Variants in USPL1 observed in about 807,000 individuals in gnomAD.
USPL1 encodes the protein ubiquitin specific peptidase like 1.
USPL1 carries 27 observed loss-of-function variants against 51.5 expected under a neutral mutation model. That is an observed-to-expected ratio of 0.52 (90% CI 0.39 to 0.72). The LOEUF (loss-of-function observed/expected upper bound fraction) is 0.72, where lower values mean the gene tolerates loss of function less well. USPL1 is among the 30% of genes least tolerant of loss of function. The pLI is 0.00. For synonymous variants in USPL1, 451 were observed against 459.6 expected (o/e 0.98, Z 0.24); for missense variants, 1,226 against 1,268.0 (o/e 0.97, Z 0.50).
At chr13:30,628,452 A>G (rs973962073) in intron 3 of USPL1, among the ~76,000 whole-genome samples, 1 of 152,086 alleles carries the variant, frequency 6.6e-6, no homozygotes, top group Non-Finnish European at 1.5e-5. Flanking sequence ...GGCTTGTTAC[A>G]TAGGTATACA....
rs780203963 is a variant in USPL1 at position 30,642,618 on chromosome 13, C to G, written c.983-10C>G. The G allele has an allele frequency of 6.3e-7, 1 of 1,596,414 alleles. No homozygotes were observed. Among genetic ancestry groups the G allele is most frequent in the Admixed American group, 1.9e-5 (1 of 54,004 alleles). On this transcript the variant is annotated splice_polypyrimidine_tract_variant and intron_variant, in intron 5 of 8. Transcript: ENST00000255304. ...ATTATGAGCAGTAATTCTTCCTTTT[C>G]TTTTTGAAGGTGATATGGAAAGCCC...
chr13:30,653,407 G>A (rs1951117526), intron 8 of USPL1, 102 bp downstream of exon 8: 1 of 1,202,990 alleles, frequency 8.3e-7, no homozygotes, highest in Non-Finnish European at 1.1e-6. Context: ...GACAAACTTT[G>A]TCCTGACTCT....
chr13:30,634,920 G>A (rs531028026), intron 4 of USPL1, among the ~76,000 whole-genome samples: 3 of 152,200 alleles, frequency 2.0e-5, no homozygotes, highest in Admixed American at 6.5e-5. Flanking sequence ...TTGATTTGCC[G>A]TTTCCACATT....
intron 4 of USPL1, among the ~76,000 whole-genome samples, chr13:30,632,029 A>T (rs545694100): frequency 1.3e-5 from 2 of 151,690 alleles, no homozygotes; most frequent in Non-Finnish European, 2.9e-5. Flanking sequence ...GTTTTGTTAC[A>T]TAGGTATACG....
In USPL1 at chr13:30,657,840, T is replaced by C. The variant is rs781455082; in HGVS notation, c.1763T>C (p.Leu588Pro). ...GTTGACAATATTTTACCTCTGACAC[T>C]TGAAGAAACTATCCAGAAAACAGCC... is the stretch of plus-strand genomic sequence containing the variant. Reference protein sequence around the residue: ...GLVDNILPLTLEETIQKTASV... With the variant: ...GLVDNILPLTPEETIQKTASV... Residue 588 changes from leucine (L) to proline (P), a missense_variant, in exon 9 of 9, where the codon CTT becomes CCT. Leu to Pro is a moderately conservative substitution (Grantham distance 98). Coordinates refer to ENST00000255304, the MANE Select transcript of USPL1 (RefSeq NM_005800.5). 8 of 1,613,938 alleles carry C rather than the reference T, an allele frequency of 5.0e-6. No individual in the cohort carries two copies. The South Asian group carries it at 5.5e-5, about 11-fold the overall frequency.
chr13:30,627,324 A>G (rs1350832722), intron 3 of USPL1, among the ~76,000 whole-genome samples: 5 of 152,194 alleles, frequency 3.3e-5, no homozygotes, highest in Non-Finnish European at 4.4e-5. Context: ...AATTTTATAA[A>G]AAGAAAAAAG....
chr13:30,634,032 A>G (rs573857861), intron 4 of USPL1, among the ~76,000 whole-genome samples: 4 of 152,154 alleles, frequency 2.6e-5, no homozygotes, highest in Non-Finnish European at 4.4e-5. Context: ...CAACCTCAGC[A>G]TATGATTTTT....
intron 7 of USPL1, among the ~76,000 whole-genome samples, chr13:30,651,540 C>T (rs1375524862): frequency 2.6e-5 from 4 of 152,194 alleles, no homozygotes; most frequent in Non-Finnish European, 5.9e-5. Context: ...ATATTTTCCA[C>T]GTGTAAACTT....
chr13:30,626,582 G>C (rs1295375309), intron 3 of USPL1, among the ~76,000 whole-genome samples: 5 of 152,044 alleles, frequency 3.3e-5, no homozygotes, highest in African/African-American at 1.2e-4. Flanking sequence ...CCCTGTATAA[G>C]TCCTCTGAAT....
intron 1 of USPL1, among the ~76,000 whole-genome samples, chr13:30,619,713 A>G (rs539302860): frequency 1.7e-4 from 26 of 152,284 alleles, no homozygotes; most frequent in African/African-American, 6.0e-4. Context: ...GTCTGGACCA[A>G]CATCTGCAGG....
rs759059045 is a variant in USPL1, at chr13:30,659,022, C to G, written c.2945C>G (p.Ser982Ter). 1.2e-6 allele frequency: 2 copies of G among 1,614,136 alleles called. No individual in the cohort carries two copies. Among genetic ancestry groups the G allele is most frequent in the Admixed American group, 1.7e-5 (1 of 60,024 alleles). Residue 982 changes from serine (S) to a stop codon, truncating the protein, a stop_gained, in exon 9 of 9, where the codon TCA (serine) becomes TGA (stop). Coordinates refer to ENST00000255304, the MANE Select transcript of USPL1 (RefSeq NM_005800.5). LOFTEE classifies it low-confidence loss of function (END_TRUNC). ...GAATTATTGTCTCCTACACCTGTTTCAACAGAGCTGTCAGAAAATGGGGAA... is the reference window on the plus strand; with the variant it reads ...GAATTATTGTCTCCTACACCTGTTTGAACAGAGCTGTCAGAAAATGGGGAA... The part of the protein sequence containing the change: ...LAELLSPTPV[S>*]TELSENGEGD...
At chr13:30,657,452 T>A in intron 8 of USPL1, 22 bp from the exon 9 acceptor site, 10 of 1,554,540 alleles carry the variant, frequency 6.4e-6, no homozygotes, top group Non-Finnish European at 8.6e-6. Context: ...TATCTAACTT[T>A]CACTTCTTTC....
chr13:30,631,436 A>C lies in USPL1; in HGVS notation c.830A>C (p.Asn277Thr). 6.2e-7 allele frequency: 1 copy of C among 1,614,120 alleles called. No homozygotes were observed. The highest frequency in any genetic ancestry group is 1.6e-4 in the Middle Eastern group (1 of 6,062). The part of the protein sequence containing the change: ...WRLLTKYNQA[N>T]TLLYTSQLSG... Reference sequence around the variant, plus strand: ...TTGCTTACAAAATATAATCAAGCAAATACACTTCTATATACCAGTCAATTG... The same window carrying C: ...TTGCTTACAAAATATAATCAAGCAACTACACTTCTATATACCAGTCAATTG... Residue 277 changes from asparagine to threonine, a missense_variant, in exon 4 of 9, where the codon AAT becomes ACT. Asn to Thr is a moderately conservative substitution (Grantham distance 65). Transcript: ENST00000255304.
chr13:30,634,057 A>C (rs1247661730), intron 4 of USPL1, among the ~76,000 whole-genome samples: 1 of 152,114 alleles, frequency 6.6e-6, no homozygotes, highest in Non-Finnish European at 1.5e-5. Flanking sequence ...TTAAGTTGAG[A>C]ACTTTGACCT....
intron 7 of USPL1, among the ~76,000 whole-genome samples, chr13:30,652,016 A>G (rs1330421392): frequency 1.3e-5 from 2 of 152,196 alleles, no homozygotes; most frequent in South Asian, 4.1e-4. Flanking sequence ...CGCTATGAGA[A>G]TACATCTCAA....
At chr13:30,637,004 A>G (rs1332153155) in intron 4 of USPL1, among the ~76,000 whole-genome samples, 1 of 151,984 alleles carries the variant, frequency 6.6e-6, no homozygotes, top group Non-Finnish European at 1.5e-5. Context: ...GGAGTGCAGT[A>G]GTACAATCAC....
intron 3 of USPL1, among the ~76,000 whole-genome samples, chr13:30,625,786 A>T (rs1286749736): frequency 6.6e-6 from 1 of 152,172 alleles, no homozygotes; most frequent in Non-Finnish European, 1.5e-5. Context: ...GTGATAAAGC[A>T]AAAAATATAT....
intron 4 of USPL1, among the ~76,000 whole-genome samples, chr13:30,633,009 C>A (rs1309839886): frequency 1.4e-5 from 2 of 147,604 alleles, no homozygotes; most frequent in South Asian, 2.2e-4. Flanking sequence ...ACCTCCCCCC[C>A]ATAAGTAATC....
At chr13:30,625,444 GTTTTTTT>G (rs926283215) in intron 3 of USPL1, among the ~76,000 whole-genome samples, 1 of 118,958 alleles carries the variant, frequency 8.4e-6, no homozygotes, top group East Asian at 2.3e-4. Context: ...TTTGTTTTTT[GTTTTTTT>G]TTTTTTTTTT....
Sources: allele counts gnomAD v4.1 joint callset (sites outside exome capture counted in the v4.1 genomes callset), GRCh38; gene constraint gnomAD v4.1.1; transcripts MANE v1.5; gene names NCBI Gene and HGNC (gene_info 2026-07-23, HGNC 2026-07-21).